Variants in MGST1 observed in about 807,000 individuals in gnomAD.
MGST1 encodes glutathione S-transferase 12.
In MGST1, 5 loss-of-function variants were observed where a neutral mutation model predicts 8.9. That is an observed-to-expected ratio of 0.56 (90% CI 0.29 to 1.19). The LOEUF is 1.19. MGST1 is among the 50% of genes most tolerant of loss of function. The pLI is 0.08. For synonymous variants in MGST1, 54 were observed against 67.8 expected (o/e 0.80, Z 1.00); for missense variants, 182 against 187.4 (o/e 0.97, Z 0.17).
Position 16,547,336 on chromosome 12 carries a change from CATTA to C in MGST1, n.483-42184_483-42181del, listed in dbSNP as rs1383115729. Among the ~76,000 whole-genome samples, 2 of 152,102 alleles carry C rather than the reference CATTA, an allele frequency of 1.3e-5. No individual in the cohort carries two copies. The highest frequency in any genetic ancestry group is 6.6e-5 in the Admixed American group (1 of 15,266). On this transcript the variant is annotated intron_variant and non_coding_transcript_variant, in intron 4 of 4. Transcript: ENST00000538857. This position sits in a 1 kb window ranked among gnomAD's most constrained non-coding sequence, Gnocchi z 4.6. Reference sequence around the variant, plus strand: ...TAATCATAGCAATCTGAGGGTGACTCATTAATTAATTGATGTTCTTTTTTATCAT... The same window carrying C: ...TAATCATAGCAATCTGAGGGTGACTCATTAATTGATGTTCTTTTTTATCAT...
In MGST1 at chr12:16,514,803, C is replaced by T. The variant is rs142172238; in HGVS notation, n.483-74725C>T. ...TTCAACCACAGTGTGTAACACTCAG[C>T]GATTGAATGTTTCTCAGAAAAGAAC... On this transcript the variant is annotated intron_variant and non_coding_transcript_variant, in intron 4 of 4. Coordinates refer to the MGST1 transcript ENST00000538857. Among the ~76,000 whole-genome samples, 6 of 152,278 alleles carry T rather than the reference C, an allele frequency of 3.9e-5. No individual in the cohort carries two copies. The East Asian group carries it at 7.7e-4, about 20-fold the overall frequency.
intron 1 of MGST1, among the ~76,000 whole-genome samples, chr12:16,425,996 C>T (rs1301571112): frequency 6.6e-6 from 1 of 152,114 alleles, no homozygotes; most frequent in Non-Finnish European, 1.5e-5. Context: ...TATCTCTTGC[C>T]TTGATTATTA....
chr12:16,510,916 T>C (rs959590186), intron 4 of MGST1, among the ~76,000 whole-genome samples: 19 of 152,182 alleles, frequency 1.2e-4, no homozygotes, highest in African/African-American at 4.6e-4. Context: ...ATAAGCTCTT[T>C]TGTAATGGAG....
In MGST1 at chr12:16,402,327, C is replaced by T. The variant is rs1940663100; in HGVS notation, n.778+18723C>T. On this transcript the variant is annotated intron_variant and non_coding_transcript_variant, in intron 1 of 1. Coordinates refer to the MGST1 transcript ENST00000359720. ...AACACCCACTGATGCAACAATGGCTCAACGTTGGCATACTCATCTTCTCCT... is the reference window on the plus strand; with the variant it reads ...AACACCCACTGATGCAACAATGGCTTAACGTTGGCATACTCATCTTCTCCT... 1.9e-6 allele frequency: 3 copies of T among 1,597,216 alleles called. No homozygotes were observed. In the South Asian group the frequency reaches 3.3e-5, roughly 18 times the overall value.
rs573229553 is a variant in MGST1, at chr12:16,579,399, A to T, written n.483-10129A>T. ...GTGCCTGATGCCACTGATGAGAAAC[A>T]ATTTTTTTGGTAGGATTTACATAAC... On this transcript the variant is annotated intron_variant and non_coding_transcript_variant, in intron 4 of 4. Coordinates refer to the MGST1 transcript ENST00000538857. 4.6e-5 allele frequency among the ~76,000 whole-genome samples: 7 copies of T among 152,304 alleles called. No individual in the cohort carries two copies. The South Asian group carries it at 1.5e-3, about 32-fold the overall frequency.
chr12:16,385,202 T>C lies in MGST1; in HGVS notation n.778+1598T>C, dbSNP rs571341150. Among the ~76,000 whole-genome samples, 11 of 152,326 alleles carry C rather than the reference T, an allele frequency of 7.2e-5. No individual in the cohort carries two copies. The East Asian group carries it at 1.3e-3, about 19-fold the overall frequency. The stretch of plus-strand genomic sequence containing the variant: ...TCGCCTCCCCAGTATAAAGTTCTTA[T>C]TGTGCCCAAATTTTATTTTGGAGAG... On this transcript the variant is annotated intron_variant and non_coding_transcript_variant, in intron 1 of 1. Transcript: ENST00000359720.
exon 2 of MGST1, chr12:16,437,828 A>G (rs1038553169): frequency 2.0e-5 from 3 of 151,680 alleles, no homozygotes; most frequent in African/African-American, 7.3e-5. Flanking sequence ...TTTATCCACA[A>G]ATTTTATCAT....
Position 16,571,039 on chromosome 12 carries a change from T to C in MGST1, n.483-18489T>C, listed in dbSNP as rs117091250. 6.9e-3 allele frequency among the ~76,000 whole-genome samples: 1,046 copies of C among 152,206 alleles called. 9 individuals carry two copies. The highest frequency in any genetic ancestry group is 0.058 in the Middle Eastern group (17 of 294). Reference sequence around the variant, plus strand: ...CCTAAAACTTAAAGTATAATAATAATAAATTTTAAAAAAATCTATTATCTA... The same window carrying C: ...CCTAAAACTTAAAGTATAATAATAACAAATTTTAAAAAAATCTATTATCTA... On this transcript the variant is annotated intron_variant and non_coding_transcript_variant, in intron 4 of 4. Coordinates refer to the MGST1 transcript ENST00000538857.
intron 4 of MGST1, among the ~76,000 whole-genome samples, chr12:16,474,024 G>T (rs1019294839): frequency 6.6e-6 from 1 of 152,158 alleles, no homozygotes; most frequent in East Asian, 1.9e-4. Context: ...TGTCTAACCA[G>T]GGTATTCTAT....
In MGST1 at chr12:16,548,107, G is replaced by A. The variant is rs147338493; in HGVS notation, n.483-41421G>A. On this transcript the variant is annotated intron_variant and non_coding_transcript_variant, in intron 4 of 4. Coordinates refer to the MGST1 transcript ENST00000538857. The surrounding 1 kb of genome is among the most constrained non-coding windows in gnomAD (Gnocchi z 4.2). The stretch of plus-strand genomic sequence containing the variant: ...CTTTCAGAAAGATCACCTAAAATTT[G>A]TATAAATGTGCAAAATTACACCCAG... Among the ~76,000 whole-genome samples, 317 of 152,164 alleles carry A rather than the reference G, an allele frequency of 2.1e-3. No individual in the cohort carries two copies. Among genetic ancestry groups the A allele is most frequent in the East Asian group, 0.016 (83 of 5,170 alleles).
chr12:16,502,954 A>G (rs894073030), intron 4 of MGST1, among the ~76,000 whole-genome samples: 3 of 152,208 alleles, frequency 2.0e-5, no homozygotes, highest in Admixed American at 2.0e-4. Flanking sequence ...CTGGAGGACA[A>G]TGGAATGTCT....
chr12:16,506,386 T>C (rs1278735826), intron 4 of MGST1, among the ~76,000 whole-genome samples: 1 of 152,102 alleles, frequency 6.6e-6, no homozygotes, highest in Non-Finnish European at 1.5e-5. Flanking sequence ...GGCACTATTT[T>C]CCAGGTCTGT....
chr12:16,508,383 T>C (rs1490705137), intron 4 of MGST1, among the ~76,000 whole-genome samples: 1 of 152,188 alleles, frequency 6.6e-6, no homozygotes, highest in Non-Finnish European at 1.5e-5. Context: ...CATTATTACA[T>C]GAAATCAAAC....
downstream of MGST1, among the ~76,000 whole-genome samples, chr12:16,366,106 T>TG (rs1464369428): frequency 6.6e-6 from 1 of 152,180 alleles, no homozygotes; most frequent in Non-Finnish European, 1.5e-5. The surrounding 1 kb of genome is among the most constrained non-coding windows in gnomAD (Gnocchi z 4.0). Context: ...ATTTAGCTAC[T>TG]AATATTTGAT....
chr12:16,493,430 A>G (rs1283437788), intron 4 of MGST1, among the ~76,000 whole-genome samples: 1 of 152,158 alleles, frequency 6.6e-6, no homozygotes, highest in African/African-American at 2.4e-5. Flanking sequence ...TTTATAAATC[A>G]GAACCTCTGG....
At chr12:16,542,220 C>T (rs1473066242) in intron 4 of MGST1, among the ~76,000 whole-genome samples, 4 of 151,924 alleles carry the variant, frequency 2.6e-5, no homozygotes, top group African/African-American at 9.7e-5. Flanking sequence ...TTCCTGGATG[C>T]AAGAAAAAAA....
At chr12:16,388,006 A>G (rs929305987) in intron 1 of MGST1, among the ~76,000 whole-genome samples, 4 of 152,080 alleles carry the variant, frequency 2.6e-5, no homozygotes, top group Admixed American at 1.3e-4. Flanking sequence ...GGTTTGTGGA[A>G]GTACACACCA....
rs1223679635 is a variant in MGST1, at chr12:16,395,790, T to TACACAC, written n.778+12187_778+12188insCACACA. Among the ~76,000 whole-genome samples the TACACAC allele has an allele frequency of 7.4e-3, 918 of 123,618 alleles. 9 individuals carry two copies. The highest frequency in any genetic ancestry group is 0.038 in the East Asian group (130 of 3,428). The allele number at this position is 123,618 out of a possible 152,430, so 81.1% of individuals were successfully genotyped here. ...TGAGTAGTATTCCATCATATATATA[T>TACACAC]ATATATATATATATACACACACACA... On this transcript the variant is annotated intron_variant and non_coding_transcript_variant, in intron 1 of 1. Transcript: ENST00000359720.
intron 4 of MGST1, among the ~76,000 whole-genome samples, chr12:16,479,526 G>A (rs990317801): frequency 9.4e-4 from 121 of 129,228 alleles, no homozygotes; most frequent in African/African-American, 3.9e-3. Context: ...GAGCCACTGC[G>A]CCCGGCCTCT....
Sources: allele counts gnomAD v4.1 joint callset (sites outside exome capture counted in the v4.1 genomes callset), GRCh38; gene constraint gnomAD v4.1.1; non-coding constraint Gnocchi (gnomAD v3.1); transcripts MANE v1.5; gene names NCBI Gene and HGNC (gene_info 2026-07-23, HGNC 2026-07-21).